The following ADK variants were observed in gnomAD, a reference collection of about 807,000 sequenced individuals.
ADK encodes adenosine kinase, also known as N6,N6-dimethyladenosine kinase.
A neutral mutation model predicts 44.7 loss-of-function variants in ADK; 24 were observed. That is an observed-to-expected ratio of 0.54 (90% CI 0.39 to 0.76). The LOEUF (loss-of-function observed/expected upper bound fraction) is 0.76, where lower values mean the gene tolerates loss of function less well. Among genes scored for constraint, ADK ranks in the 30% least tolerant of loss-of-function variants. The pLI is 0.00. For synonymous variants in ADK, 128 were observed against 142.6 expected (o/e 0.90, Z 0.73); for missense variants, 321 against 425.1 (o/e 0.76, Z 2.15).
chr10:74,411,015 G>C (rs896288173), intron 6 of ADK, among the ~76,000 whole-genome samples: 8 of 152,000 alleles, frequency 5.3e-5, no homozygotes, highest in Admixed American at 5.2e-4. Flanking sequence ...TTTTGAACTC[G>C]TATGTGTTAG....
chr10:74,587,763 G>A (rs1237207700), intron 7 of ADK, among the ~76,000 whole-genome samples: 1 of 151,202 alleles, frequency 6.6e-6, no homozygotes, highest in Non-Finnish European at 1.5e-5. Context: ...ATTTTCAAGA[G>A]GGAAGTAGAG....
intron 7 of ADK, among the ~76,000 whole-genome samples, chr10:74,563,512 A>G (rs1850536612): frequency 6.6e-6 from 1 of 152,260 alleles, no homozygotes; most frequent in South Asian, 2.1e-4. Context: ...TAGAGCACAT[A>G]CAATAGGTAT....
chr10:74,507,877 G>T (rs906152431), intron 6 of ADK, among the ~76,000 whole-genome samples: 3 of 152,078 alleles, frequency 2.0e-5, no homozygotes, highest in South Asian at 4.2e-4. Context: ...ATTCAAAGAA[G>T]AATGTGTACA....
intron 9 of ADK, among the ~76,000 whole-genome samples, chr10:74,615,513 C>T (rs1305743807): frequency 6.6e-6 from 1 of 152,090 alleles, no homozygotes; most frequent in East Asian, 1.9e-4. Context: ...ATATAAACTC[C>T]CCCAATTTTA....
chr10:74,358,042 T>C (rs1002236805), intron 4 of ADK, among the ~76,000 whole-genome samples: 5 of 152,222 alleles, frequency 3.3e-5, no homozygotes, highest in African/African-American at 9.6e-5. Context: ...TTTTAACTAA[T>C]CATTTTTCTC....
At chr10:74,425,042 C>T (rs1844742359) in intron 6 of ADK, among the ~76,000 whole-genome samples, 1 of 152,098 alleles carries the variant, frequency 6.6e-6, no homozygotes, top group Admixed American at 6.6e-5. Flanking sequence ...GCCTTATTTT[C>T]CTGTGTGTTA....
At chr10:74,411,145 T>C (rs1844161531) in intron 6 of ADK, among the ~76,000 whole-genome samples, 1 of 152,226 alleles carries the variant, frequency 6.6e-6, no homozygotes, top group Non-Finnish European at 1.5e-5. Context: ...GGATTAACTA[T>C]GAATGTTTAA....
At chr10:74,371,551 A>T (rs1842658378) in intron 4 of ADK, 2 of 1,154,372 alleles carry the variant, frequency 1.7e-6, no homozygotes, top group African/African-American at 3.0e-5. Flanking sequence ...GGAGCCCTTG[A>T]TGTCCTGCAA....
chr10:74,652,690 G>A (rs1402437641), intron 9 of ADK, among the ~76,000 whole-genome samples: 3 of 151,662 alleles, frequency 2.0e-5, no homozygotes, highest in Non-Finnish European at 4.4e-5. Flanking sequence ...AACCTGGGAG[G>A]CAGAGGTTGC....
At chr10:74,559,021 A>C (rs1471908412) in intron 7 of ADK, among the ~76,000 whole-genome samples, 2 of 152,258 alleles carry the variant, frequency 1.3e-5, no homozygotes, top group Non-Finnish European at 2.9e-5. Context: ...GGTCCCATGC[A>C]TTCCCTGAAC....
intron 4 of ADK, among the ~76,000 whole-genome samples, chr10:74,373,817 A>G (rs1051856717): frequency 2.0e-5 from 3 of 152,220 alleles, no homozygotes; most frequent in Admixed American, 2.0e-4. Flanking sequence ...ACACAAGACA[A>G]ATGAAAATGT....
At chr10:74,478,303 T>C in intron 6 of ADK, among the ~76,000 whole-genome samples, 1 of 152,166 alleles carries the variant, frequency 6.6e-6, no homozygotes, top group East Asian at 1.9e-4. Context: ...CATTGCAGCC[T>C]CAACCTCCTA....
chr10:74,523,152 G>A (rs1848906388), intron 6 of ADK, among the ~76,000 whole-genome samples: 1 of 152,082 alleles, frequency 6.6e-6, no homozygotes, highest in South Asian at 2.1e-4. Context: ...CACCTCATAG[G>A]TTTGATGTAA....
At chr10:74,473,877 G>A (rs73290290) in intron 6 of ADK, among the ~76,000 whole-genome samples, 4,887 of 152,164 alleles carry the variant, frequency 0.032, 227 homozygotes, top group African/African-American at 0.099. Flanking sequence ...ACCTCATAGA[G>A]GAAGGATATA....
rs1413650780 is a variant in ADK at position 74,174,520 on chromosome 10, AT to A, written c.65+23181del. The A allele has an allele frequency of 5.3e-5, 8 of 152,300 alleles. No individual in the cohort carries two copies. The East Asian group carries it at 1.4e-3, about 26-fold the overall frequency. The allele number at this position is 152,300 out of a possible 1,614,324, so 9.4% of individuals were successfully genotyped here. On this transcript the variant is annotated intron_variant, in intron 1 of 10. Transcript: ENST00000539909. The stretch of plus-strand genomic sequence containing the variant: ...CTGATACCTGCAGTGCCAAACCTGC[AT>A]TTTAACAAGATCCACGAGATTTGTA...
chr10:74,702,552 C>CTTCCTTCT (rs1564860494), intron 10 of ADK, among the ~76,000 whole-genome samples: 4 of 149,426 alleles, frequency 2.7e-5, no homozygotes, highest in Admixed American at 6.8e-5. Flanking sequence ...TCCTTCCTTC[C>CTTCCTTCT]TTCCTTCCTT....
intron 4 of ADK, among the ~76,000 whole-genome samples, chr10:74,369,203 A>G (rs1198822578): frequency 6.6e-6 from 1 of 152,090 alleles, no homozygotes. Context: ...AAAAATTACA[A>G]ATATTAGCCA....
At chr10:74,362,191 A>G (rs919999313) in intron 4 of ADK, among the ~76,000 whole-genome samples, 9 of 152,046 alleles carry the variant, frequency 5.9e-5, no homozygotes, top group Admixed American at 5.9e-4. Flanking sequence ...CTTTGACTTC[A>G]GTAACCTGAA....
At chr10:74,382,959 C>T (rs898436256) in intron 4 of ADK, among the ~76,000 whole-genome samples, 1 of 151,742 alleles carries the variant, frequency 6.6e-6, no homozygotes, top group South Asian at 2.1e-4. Flanking sequence ...GATTTTCCCC[C>T]CCTCCTCTCA....
Sources: gnomAD v4.1 joint callset for allele counts (sites outside exome capture counted in the v4.1 genomes callset) on GRCh38, gnomAD v4.1.1 for gene constraint, MANE v1.5 for transcripts, NCBI Gene and HGNC (gene_info 2026-07-23, HGNC 2026-07-21) for gene names.